Variants in TAB2 observed in about 807,000 individuals in gnomAD.
TAB2 encodes TGF-beta activated kinase 1 (MAP3K7) binding protein 2.
In TAB2, 3 loss-of-function variants were observed where a neutral mutation model predicts 65.0. The ratio of observed to expected loss-of-function variants is 0.05; its 90% CI spans 0.02 to 0.12. TAB2 has a LOEUF of 0.12. Among genes scored for constraint, TAB2 ranks in the 10% least tolerant of loss-of-function variants. The pLI is 1.00. For synonymous variants in TAB2, 298 were observed against 285.1 expected (o/e 1.05, Z -0.46); for missense variants, 623 against 840.3 (o/e 0.74, Z 3.20).
intron 1 of TAB2, among the ~76,000 whole-genome samples, chr6:149,324,639 T>C (rs1050192042): frequency 1.3e-5 from 2 of 151,972 alleles, no homozygotes; most frequent in African/African-American, 2.4e-5. Flanking sequence ...TCCTCATCAA[T>C]GAGAGAAAAA....
intron 1 of TAB2, among the ~76,000 whole-genome samples, chr6:149,343,490 TAA>T (rs1026061298): frequency 3.9e-5 from 6 of 151,970 alleles, no homozygotes; most frequent in Admixed American, 2.6e-4. Context: ...AAAAAAAGGT[TAA>T]TATATTCTTC....
At chr6:149,392,712 T>G (rs1782031415) in intron 3 of TAB2, among the ~76,000 whole-genome samples, 1 of 152,246 alleles carries the variant, frequency 6.6e-6, no homozygotes, top group South Asian at 2.1e-4. Context: ...GTTAATTGCC[T>G]TCTTTTTCTT....
At chr6:149,288,455 C>T (rs1452273313) in intron 1 of TAB2, among the ~76,000 whole-genome samples, 4 of 152,210 alleles carry the variant, frequency 2.6e-5, no homozygotes, top group Non-Finnish European at 5.9e-5. Context: ...TCCTGCCCAT[C>T]TCCCAGCCCC....
intron 6 of TAB2, among the ~76,000 whole-genome samples, chr6:149,406,721 A>G (rs530910799): frequency 1.6e-4 from 25 of 151,612 alleles, no homozygotes; most frequent in South Asian, 4.2e-4. Flanking sequence ...TTGTTTGTTT[A>G]TTTTTTATTT....
intron 1 of TAB2, among the ~76,000 whole-genome samples, chr6:149,241,082 A>G (rs1777588890): frequency 6.6e-6 from 1 of 152,214 alleles, no homozygotes; most frequent in South Asian, 2.1e-4. Context: ...GAGGTTGTGT[A>G]AGGACACAGC....
At chr6:149,291,096 A>C (rs933398291) in intron 1 of TAB2, among the ~76,000 whole-genome samples, 2 of 152,226 alleles carry the variant, frequency 1.3e-5, no homozygotes, top group African/African-American at 4.8e-5. Flanking sequence ...TTTTGTTCCA[A>C]TTTGTTAAAA....
chr6:149,381,542 C>G (rs1461845711), intron 3 of TAB2, among the ~76,000 whole-genome samples: 1 of 143,584 alleles, frequency 7.0e-6, no homozygotes, highest in Non-Finnish European at 1.5e-5. Flanking sequence ...GTTTCTTAAA[C>G]TTGCTATCTT....
At chr6:149,403,329 T>TATATACACACAC (rs1562456560) in intron 6 of TAB2, among the ~76,000 whole-genome samples, 2 of 55,804 alleles carry the variant, frequency 3.6e-5, no homozygotes, top group African/African-American at 1.3e-4. Context: ...CACATATATA[T>TATATACACACAC]ACATATATAT....
At chr6:149,358,673 T>TGTGTGTGTGTGTGTGTGTG (rs71010863) in intron 1 of TAB2, among the ~76,000 whole-genome samples, 48 of 150,988 alleles carry the variant, frequency 3.2e-4, no homozygotes, top group Non-Finnish European at 4.1e-4. Context: ...TGTGTGTGTG[T>TGTGTGTGTGTGTGTGTGTG]TTTCAGTATA....
At chr6:149,286,528 C>A (rs1051450080) in intron 1 of TAB2, among the ~76,000 whole-genome samples, 2 of 152,170 alleles carry the variant, frequency 1.3e-5, no homozygotes, top group Admixed American at 6.5e-5. Flanking sequence ...GAGAACTTTA[C>A]CAATATGTAT....
chr6:149,266,189 A>G (rs1778261283), intron 1 of TAB2, among the ~76,000 whole-genome samples: 1 of 152,200 alleles, frequency 6.6e-6, no homozygotes. Context: ...TGCAGAAAGG[A>G]TGTGTGAACC....
At chr6:149,346,833 C>T (rs1780322978) in intron 1 of TAB2, among the ~76,000 whole-genome samples, 2 of 152,284 alleles carry the variant, frequency 1.3e-5, no homozygotes, top group East Asian at 3.9e-4. Context: ...AAAATTTCTA[C>T]ACATCATTCA....
At chr6:149,226,490 C>A (rs993599407) in intron 1 of TAB2, among the ~76,000 whole-genome samples, 11 of 152,098 alleles carry the variant, frequency 7.2e-5, no homozygotes. Flanking sequence ...TGCTCACACA[C>A]CCTGATGTGC....
chr6:149,375,256 CTCTT>C (rs1404580608), intron 2 of TAB2, among the ~76,000 whole-genome samples: 1 of 152,104 alleles, frequency 6.6e-6, no homozygotes, highest in East Asian at 1.9e-4. Context: ...TATTTCCTCT[CTCTT>C]TTATATATGT....
In TAB2 at chr6:149,378,178, A is replaced by G. The variant is rs751004001; in HGVS notation, c.263A>G (p.Tyr88Cys). 1 of 1,614,174 alleles carries G rather than the reference A, an allele frequency of 6.2e-7. No individual in the cohort carries two copies. The highest frequency in any genetic ancestry group is 1.1e-5 in the South Asian group (1 of 91,084). Residue 88 changes from tyrosine to cysteine, a missense_variant, in exon 3 of 7, where the codon TAC becomes TGC. Tyr to Cys is a radical substitution (Grantham distance 194, BLOSUM62 -2). This residue lies in a region of TAB2 where 550 missense variants were observed against 665.7 expected (regional missense o/e 0.83). Coordinates refer to ENST00000637181, the MANE Select transcript of TAB2 (RefSeq NM_001292034.3). ...LNLDLQSQNI[Y>C]HHGREGSRMN... Reference sequence around the variant, plus strand: ...TTGGACTTGCAATCACAGAACATTTACCACCATGGAAGAGAAGGAAGTAGG... The same window carrying G: ...TTGGACTTGCAATCACAGAACATTTGCCACCATGGAAGAGAAGGAAGTAGG...
At chr6:149,337,223 CTG>C (rs36173096) in intron 1 of TAB2, among the ~76,000 whole-genome samples, 19,571 of 149,748 alleles carry the variant, frequency 0.13, 1,800 homozygotes, top group East Asian at 0.51. Flanking sequence ...CACTTGATAA[CTG>C]TTTCGGTATA....
intron 1 of TAB2, among the ~76,000 whole-genome samples, chr6:149,280,751 A>G (rs73607335): frequency 0.021 from 3,173 of 152,104 alleles, 98 homozygotes; most frequent in African/African-American, 0.071. Flanking sequence ...GACCACCTGA[A>G]TAATAAAGTG....
At chr6:149,256,833 C>T (rs1037480002) in intron 1 of TAB2, among the ~76,000 whole-genome samples, 8 of 152,148 alleles carry the variant, frequency 5.3e-5, no homozygotes, top group Non-Finnish European at 1.2e-4. Context: ...CGCCTACATG[C>T]TACTGAAGGA....
intron 1 of TAB2, among the ~76,000 whole-genome samples, chr6:149,286,840 G>C (rs1778684713): frequency 6.6e-6 from 1 of 152,172 alleles, no homozygotes; most frequent in African/African-American, 2.4e-5. Flanking sequence ...TATTGGCTGG[G>C]CGCGGTAGCT....
Sources: allele counts gnomAD v4.1 joint callset (sites outside exome capture counted in the v4.1 genomes callset), GRCh38; gene constraint gnomAD v4.1.1; regional missense constraint gnomAD v4.1.1; transcripts MANE v1.5; gene names NCBI Gene and HGNC (gene_info 2026-07-23, HGNC 2026-07-21).